The following DENND4A variants were observed in gnomAD, a reference collection of about 807,000 sequenced individuals.
DENND4A encodes the protein DENN domain containing 4A.
DENND4A carries 70 observed loss-of-function variants against 199.3 expected under a neutral mutation model. That is an observed-to-expected ratio of 0.35 (90% confidence interval 0.29 to 0.43). The LOEUF is 0.43. Ranked by LOEUF, DENND4A falls within the 20% of genes least tolerant of loss-of-function variation. The probability of loss-of-function intolerance (pLI) is 1.00; values close to 1 mark genes in which losing one functional copy is unlikely to be tolerated. For synonymous variants in DENND4A, 686 were observed against 766.9 expected (o/e 0.89, Z 1.74); for missense variants, 1,723 against 2,255.8 (o/e 0.76, Z 4.78).
rs1354483013 is a variant in DENND4A at position 65,662,002 on chromosome 15, A to G, written c.5588-15T>C. On this transcript the variant is annotated splice_polypyrimidine_tract_variant and intron_variant, in intron 32 of 32. Coordinates refer to ENST00000443035, the MANE Select transcript of DENND4A (RefSeq NM_001320835.1). ...ATCAAAAGCATCTGCAGAAATTGAT[A>G]AAGAAATAAAAGAATAAAGAAATTT... 1.9e-6 allele frequency: 3 copies of G among 1,590,192 alleles called. No individual in the cohort carries two copies. Among genetic ancestry groups the G allele is most frequent in the African/African-American group, 2.7e-5 (2 of 73,724 alleles).
chr15:65,781,377 GAGA>G (rs1398775545), intron 1 of DENND4A, among the ~76,000 whole-genome samples: 1 of 152,182 alleles, frequency 6.6e-6, no homozygotes, highest in Non-Finnish European at 1.5e-5. Context: ...TGGCAATTCT[GAGA>G]AGGTGAATCT....
At chr15:65,746,962 C>A (rs888266154) in intron 4 of DENND4A, among the ~76,000 whole-genome samples, 2 of 151,052 alleles carry the variant, frequency 1.3e-5, no homozygotes, top group African/African-American at 2.4e-5. Context: ...AAAAAATGGC[C>A]GGGCGTGGTG....
At position 65,752,400 on chromosome 15, in the gene DENND4A, G is replaced by C; in HGVS notation, c.540C>G (p.Asp180Glu). ...TTACCATACTGTTATTGAGATTCTT[G>C]TCGACTTTGCAGAACGTGTGTGGTG... Reference protein sequence around the residue: ...ESPPHTFCKVDKNLNNSMWGS... With the variant: ...ESPPHTFCKVEKNLNNSMWGS... The change falls in exon 4 of 33, where the codon GAC (aspartate) becomes GAG (glutamate). Residue 180 changes from aspartate (D) to glutamate (E), a missense_variant. Physicochemically the swap from Asp to Glu is conservative, Grantham distance 45. Around this residue, in one of 6 missense-constraint regions of DENND4A, gnomAD observed 725 missense variants for 952.9 expected, o/e 0.76. Coordinates refer to ENST00000443035, the MANE Select transcript of DENND4A (RefSeq NM_001320835.1). The C allele has an allele frequency of 6.6e-7, 1 of 1,513,566 alleles. No individual in the cohort carries two copies. The highest frequency in any genetic ancestry group is 9.0e-7 in the Non-Finnish European group (1 of 1,117,056). 93.8% of individuals were successfully genotyped at this position (1,513,566 alleles called of 1,614,324 possible). A position where few individuals can be genotyped will look rare whatever the true frequency, so the allele number is the denominator to read the frequency against.
chr15:65,734,230 G>A (rs2076046099), intron 7 of DENND4A, among the ~76,000 whole-genome samples: 1 of 152,304 alleles, frequency 6.6e-6, no homozygotes, highest in South Asian at 2.1e-4. Context: ...GGGAAAAACC[G>A]CCTTAAGGCT....
At chr15:65,665,487 T>G (rs1410915567) in intron 29 of DENND4A, 25 bp from the exon 30 acceptor site, 5 of 1,532,120 alleles carry the variant, frequency 3.3e-6, no homozygotes, top group Non-Finnish European at 4.5e-6. Flanking sequence ...AAACATTCAT[T>G]AATGATCCTT....
At chr15:65,791,384 TG>T (rs1214710238) in intron 1 of DENND4A, among the ~76,000 whole-genome samples, 1 of 152,178 alleles carries the variant, frequency 6.6e-6, no homozygotes, top group Non-Finnish European at 1.5e-5. Flanking sequence ...CTGTTTTTCC[TG>T]CCCCCCACCT....
intron 32 of DENND4A, among the ~76,000 whole-genome samples, chr15:65,662,268 A>G (rs2075869095): frequency 6.6e-6 from 1 of 152,234 alleles, no homozygotes; most frequent in Admixed American, 6.5e-5. Context: ...TAAAAACAGT[A>G]AAAATAAATA....
intron 12 of DENND4A, among the ~76,000 whole-genome samples, chr15:65,720,106 G>T (rs8042807): frequency 0.56 from 84,387 of 151,438 alleles, 25,865 homozygotes; most frequent in African/African-American, 0.82. Context: ...AGAACATTAA[G>T]ATGATAACTG....
intron 4 of DENND4A, among the ~76,000 whole-genome samples, chr15:65,746,367 C>CTTTTTTTT (rs2076391530): frequency 2.8e-5 from 2 of 71,042 alleles, no homozygotes. Context: ...CTACTTTTTT[C>CTTTTTTTT]TCTTTTTTTT....
At chr15:65,745,041 C>T (rs1353455464) in intron 4 of DENND4A, among the ~76,000 whole-genome samples, 1 of 152,156 alleles carries the variant, frequency 6.6e-6, no homozygotes, top group African/African-American at 2.4e-5. Flanking sequence ...AGTTCACACT[C>T]ACTTAATCAA....
intron 3 of DENND4A, among the ~76,000 whole-genome samples, chr15:65,755,310 G>T (rs28654378): frequency 2.0e-5 from 3 of 152,042 alleles, no homozygotes; most frequent in Non-Finnish European, 1.5e-5. Flanking sequence ...ATTTATTGTG[G>T]TGATGGTTGC....
chr15:65,730,689 G>C (rs2075932045), intron 9 of DENND4A, among the ~76,000 whole-genome samples: 2 of 152,036 alleles, frequency 1.3e-5, no homozygotes, highest in African/African-American at 2.4e-5. Flanking sequence ...ATGTAGATTA[G>C]TGGTTGACTA....
chr15:65,660,401 T>C lies in DENND4A; in HGVS notation c.*1450A>G. On this transcript the variant is annotated 3_prime_UTR_variant, in exon 33 of 33. Transcript: ENST00000443035. Reference sequence around the variant, plus strand: ...GACTCCAAGATACCTCCAGTCCAAGTGTCGTGGACTCTACTGGCTTTATAC... The same window carrying C: ...GACTCCAAGATACCTCCAGTCCAAGCGTCGTGGACTCTACTGGCTTTATAC... The C allele has an allele frequency of 9.4e-7, 1 of 1,060,430 alleles. No individual in the cohort carries two copies. The highest frequency in any genetic ancestry group is 1.4e-6 in the Non-Finnish European group (1 of 718,902). The allele number at this position is 1,060,430 out of a possible 1,614,324, so 65.7% of individuals were successfully genotyped here. A position where few individuals can be genotyped will look rare whatever the true frequency, so the allele number is the denominator to read the frequency against.
intron 1 of DENND4A, among the ~76,000 whole-genome samples, chr15:65,782,965 TC>T (rs148943622): frequency 6.7e-6 from 1 of 148,890 alleles, no homozygotes; most frequent in Non-Finnish European, 1.5e-5. Context: ...ATGGAAGGGA[TC>T]TTTTTTTTTT....
rs8036706 is a variant in DENND4A at position 65,706,897 on chromosome 15, G to A, written c.1954-673C>T. Among the ~76,000 whole-genome samples the A allele has an allele frequency of 9.6e-3, 1,461 of 152,204 alleles. 16 individuals carry two copies. Among genetic ancestry groups the A allele is most frequent in the Non-Finnish European group, 0.016 (1,092 of 68,004 alleles). On this transcript the variant is annotated intron_variant, in intron 14 of 32. Transcript: ENST00000443035. Reference sequence around the variant, plus strand: ...AATAGGGTAGACAAGGATGGAATAGGACCCAGATGAATACATACCTTTTTA... The same window carrying A: ...AATAGGGTAGACAAGGATGGAATAGAACCCAGATGAATACATACCTTTTTA...
In DENND4A at chr15:65,669,796, C is replaced by T. The variant is rs753798130; in HGVS notation, c.4770G>A (p.Gly1590=). ...GLDTSALSVQ[G]NFDLNSKSKL... ...ATAATTACCTATTTAGATCAAAATT[C>T]CCTTGAACAGAGAGAGCAGATGTGT... The change falls in exon 27 of 33, where the codon GGG becomes GGA. Residue 1590 remains glycine, a synonymous_variant. Coordinates refer to ENST00000443035, the MANE Select transcript of DENND4A (RefSeq NM_001320835.1). The T allele has an allele frequency of 5.0e-6, 8 of 1,612,082 alleles. No individual in the cohort carries two copies. The Admixed American group carries it at 5.0e-5, about 10-fold the overall frequency.
chr15:65,768,057 A>G (rs551278411), intron 1 of DENND4A, among the ~76,000 whole-genome samples: 1 of 152,204 alleles, frequency 6.6e-6, no homozygotes, highest in Non-Finnish European at 1.5e-5. Flanking sequence ...ACCTCAAATC[A>G]GTGTGGAGTG....
chr15:65,785,989 C>T (rs2141002161), intron 1 of DENND4A, among the ~76,000 whole-genome samples: 1 of 152,090 alleles, frequency 6.6e-6, no homozygotes, highest in East Asian at 1.9e-4. Context: ...TAACTGCTGG[C>T]AAGGATATGA....
chr15:65,699,086 T>C (rs2142159944), intron 20 of DENND4A, among the ~76,000 whole-genome samples: 1 of 152,266 alleles, frequency 6.6e-6, no homozygotes, highest in East Asian at 1.9e-4. Context: ...ATTTCTTCAT[T>C]TGTAAGAGAT....
Sources: allele counts gnomAD v4.1 joint callset (sites outside exome capture counted in the v4.1 genomes callset), GRCh38; gene constraint gnomAD v4.1.1; regional missense constraint gnomAD v4.1.1; transcripts MANE v1.5; gene names NCBI Gene and HGNC (gene_info 2026-07-23, HGNC 2026-07-21).